The following SYT1 variants were observed in gnomAD, a reference collection of about 807,000 sequenced individuals.
SYT1 encodes the protein synaptotagmin-1.
SYT1 carries 8 observed loss-of-function variants against 44.8 expected under a neutral mutation model. That is an observed-to-expected ratio of 0.18 (90% CI 0.10 to 0.32). SYT1 has a LOEUF of 0.32. Among genes scored for constraint, SYT1 ranks in the 10% least tolerant of loss-of-function variants. The pLI is 1.00. For synonymous variants in SYT1, 154 were observed against 188.8 expected, an observed-to-expected ratio of 0.82 and a Z score of 1.51; for missense variants, 286 against 509.3, an observed-to-expected ratio of 0.56 and a Z score of 4.22.
chr12:79,389,984 G>A lies in SYT1; in HGVS notation c.928+36365G>A, dbSNP rs554832369. On this transcript the variant is annotated intron_variant, in intron 9 of 10. Transcript: ENST00000261205. ...GTCTTGCTCTGTTGCCCAGGCTGGA[G>A]TGCAGCGGCGCGATCTTGGCTCACT... 1.8e-4 allele frequency among the ~76,000 whole-genome samples: 28 copies of A among 151,458 alleles called. 1 individual carries two copies. In the South Asian group the frequency reaches 5.0e-3, roughly 27 times the overall value.
At chr12:78,927,554 G>A (rs1877371847) in intron 1 of SYT1, among the ~76,000 whole-genome samples, 1 of 152,002 alleles carries the variant, frequency 6.6e-6, no homozygotes, top group South Asian at 2.1e-4. Context: ...AATTACATAA[G>A]TGTCTTGAGT....
At chr12:79,203,312 T>C (rs2138504249) in intron 3 of SYT1, among the ~76,000 whole-genome samples, 1 of 152,294 alleles carries the variant, frequency 6.6e-6, no homozygotes, top group African/African-American at 2.4e-5. Flanking sequence ...AGAGTATCTA[T>C]CTGCCTTCCC....
chr12:78,974,826 C>A (rs1249874038), intron 1 of SYT1, among the ~76,000 whole-genome samples: 1 of 151,974 alleles, frequency 6.6e-6, no homozygotes, highest in East Asian at 1.9e-4. Flanking sequence ...TATCCTACCC[C>A]TCTTCATTCC....
chr12:79,154,825 A>G lies in SYT1; in HGVS notation c.-17-62678A>G, dbSNP rs1001357357. Among the ~76,000 whole-genome samples the G allele has an allele frequency of 2.0e-5, 3 of 152,162 alleles. No individual in the cohort carries two copies. In the East Asian group the frequency reaches 5.8e-4, roughly 29 times the overall value. ...TTGAGGCCTTGGAATCAACATGACA[A>G]CTAAGGTTTTGGGGGAAAAAAATGC... On this transcript the variant is annotated intron_variant, in intron 3 of 10. Coordinates refer to ENST00000261205, the MANE Select transcript of SYT1 (RefSeq NM_005639.3).
At chr12:79,390,969 T>C (rs1234042929) in intron 9 of SYT1, among the ~76,000 whole-genome samples, 1 of 152,164 alleles carries the variant, frequency 6.6e-6, no homozygotes, top group Non-Finnish European at 1.5e-5. Flanking sequence ...GTGTGGGAGC[T>C]TCTAATGTCT....
chr12:79,326,827 C>A (rs1881628764), intron 8 of SYT1, among the ~76,000 whole-genome samples: 1 of 152,134 alleles, frequency 6.6e-6, no homozygotes, highest in South Asian at 2.1e-4. Flanking sequence ...GCAAATAGAA[C>A]AAATAAATAT....
chr12:79,169,779 A>G (rs1592813484), intron 3 of SYT1, among the ~76,000 whole-genome samples: 2 of 151,946 alleles, frequency 1.3e-5, no homozygotes, highest in Non-Finnish European at 2.9e-5. Context: ...TTTGTTGTAC[A>G]GATTATTTCA....
chr12:79,079,830 T>C (rs1592729436), intron 3 of SYT1, among the ~76,000 whole-genome samples: 1 of 152,128 alleles, frequency 6.6e-6, no homozygotes, highest in South Asian at 2.1e-4. Context: ...GTAGTGGCTG[T>C]TAACATTGAA....
At chr12:79,253,524 T>TCTCACC in intron 4 of SYT1, among the ~76,000 whole-genome samples, 1 of 135,888 alleles carries the variant, frequency 7.4e-6, no homozygotes, top group Middle Eastern at 3.8e-3. Flanking sequence ...TCTCTCTCTC[T>TCTCACC]CACCTCAGAA....
intron 3 of SYT1, among the ~76,000 whole-genome samples, chr12:79,115,871 A>G (rs1325452682): frequency 6.6e-6 from 1 of 152,164 alleles, no homozygotes; most frequent in African/African-American, 2.4e-5. Context: ...GAATATTTCT[A>G]CAGGATTTTT....
intron 1 of SYT1, among the ~76,000 whole-genome samples, chr12:78,928,960 T>C (rs1429183551): frequency 6.6e-6 from 1 of 152,146 alleles, no homozygotes; most frequent in Non-Finnish European, 1.5e-5. Flanking sequence ...TAGCTATATC[T>C]GTATAAACAA....
chr12:79,389,254 T>C (rs1207609952), intron 9 of SYT1, among the ~76,000 whole-genome samples: 2 of 152,178 alleles, frequency 1.3e-5, no homozygotes, highest in South Asian at 4.1e-4. Context: ...AAAACATATG[T>C]TAGCCGTAAT....
chr12:79,100,751 G>A (rs115979772), intron 3 of SYT1, among the ~76,000 whole-genome samples: 556 of 152,126 alleles, frequency 3.7e-3, no homozygotes, highest in African/African-American at 0.013. Context: ...TAGTTGACCT[G>A]TTTCGTAAAT....
At chr12:79,006,637 T>C (rs1871104872) in intron 2 of SYT1, among the ~76,000 whole-genome samples, 1 of 152,118 alleles carries the variant, frequency 6.6e-6, no homozygotes, top group African/African-American at 2.4e-5. Context: ...GAATTTTTTC[T>C]TTTGTTTTGG....
At position 79,159,441 on chromosome 12, in the gene SYT1, A is replaced by G. The variant is rs544518435; in HGVS notation, c.-17-58062A>G. 2.6e-5 allele frequency among the ~76,000 whole-genome samples: 4 copies of G among 152,326 alleles called. No homozygotes were observed. In the South Asian group the frequency reaches 6.2e-4, roughly 24 times the overall value. ...AGGTTTCAGTTACCTGTGGTCAACCACAGATTGAAAATATTACAGTATTTT... is the reference window on the plus strand; with the variant it reads ...AGGTTTCAGTTACCTGTGGTCAACCGCAGATTGAAAATATTACAGTATTTT... On this transcript the variant is annotated intron_variant, in intron 3 of 10. Transcript: ENST00000261205.
At chr12:79,344,750 C>A (rs1399251409) in intron 8 of SYT1, among the ~76,000 whole-genome samples, 1 of 152,170 alleles carries the variant, frequency 6.6e-6, no homozygotes, top group South Asian at 2.1e-4. Context: ...AGCCACCACA[C>A]CCGGCCTACT....
chr12:78,992,011 A>C (rs1870054874), intron 2 of SYT1, among the ~76,000 whole-genome samples: 5 of 152,162 alleles, frequency 3.3e-5, no homozygotes, highest in Admixed American at 3.3e-4. Context: ...GCTCCTCATC[A>C]AGGTCATTTT....
intron 1 of SYT1, among the ~76,000 whole-genome samples, chr12:78,975,838 A>G (rs1303135578): frequency 6.6e-6 from 1 of 152,218 alleles, no homozygotes; most frequent in Non-Finnish European, 1.5e-5. Context: ...AAACACTTTC[A>G]GAGAGTTGAG....
chr12:78,925,202 G>T (rs2137177453), intron 1 of SYT1, among the ~76,000 whole-genome samples: 1 of 151,838 alleles, frequency 6.6e-6, no homozygotes, highest in East Asian at 1.9e-4. Context: ...TTCCATATTT[G>T]TAATTCCCTT....
Sources: allele counts gnomAD v4.1 joint callset (sites outside exome capture counted in the v4.1 genomes callset), GRCh38; gene constraint gnomAD v4.1.1; transcripts MANE v1.5; gene names NCBI Gene and HGNC (gene_info 2026-07-23, HGNC 2026-07-21).